Variants in NRG1 observed in about 807,000 individuals in gnomAD.
The protein encoded by NRG1 is pro-neuregulin-1, membrane-bound isoform.
In NRG1, 18 loss-of-function variants were observed where a neutral mutation model predicts 63.8. That is an observed-to-expected ratio of 0.28 (90% CI 0.19 to 0.42). The LOEUF (loss-of-function observed/expected upper bound fraction) is 0.42, where lower values mean the gene tolerates loss of function less well. Ranked by LOEUF, NRG1 falls within the 10% of genes least tolerant of loss-of-function variation. NRG1 has a pLI of 1.00. For synonymous variants in NRG1, 302 were observed against 301.3 expected (o/e 1.00, Z -0.02); for missense variants, 762 against 814.7 (o/e 0.94, Z 0.79).
chr8:32,533,906 A>G, intron 1 of NRG1, among the ~76,000 whole-genome samples: 1 of 152,134 alleles, frequency 6.6e-6, no homozygotes, highest in Middle Eastern at 3.2e-3. Flanking sequence ...TAGGGTTTTC[A>G]TTATAAGGCA....
chr8:32,362,053 T>C (rs1200789668), intron 1 of NRG1, among the ~76,000 whole-genome samples: 5 of 152,142 alleles, frequency 3.3e-5, no homozygotes, highest in Admixed American at 6.5e-5. Context: ...CTCCTCCAGA[T>C]TTGGTTAGCT....
intron 1 of NRG1, among the ~76,000 whole-genome samples, chr8:32,000,723 A>G (rs1363256858): frequency 6.6e-6 from 1 of 151,966 alleles, no homozygotes; most frequent in Non-Finnish European, 1.5e-5. Context: ...TGATCATTAA[A>G]CCAATACATC....
At chr8:32,644,280 T>C (rs1328257726) in intron 5 of NRG1, among the ~76,000 whole-genome samples, 1 of 152,166 alleles carries the variant, frequency 6.6e-6, no homozygotes, top group East Asian at 1.9e-4. Flanking sequence ...AAATGGGGTG[T>C]TCCTGGGCTT....
At chr8:31,813,524 T>TCTTTTCTTTTCTTTTCTTTTC (rs1196353618) in intron 1 of NRG1, among the ~76,000 whole-genome samples, 7 of 139,798 alleles carry the variant, frequency 5.0e-5, no homozygotes, top group South Asian at 2.3e-4. Flanking sequence ...TTCTTTTTTT[T>TCTTTTCTTTTCTTTTCTTTTC]TTTTTTTTTG....
At chr8:31,926,954 C>T (rs967321669) in intron 1 of NRG1, among the ~76,000 whole-genome samples, 1 of 152,182 alleles carries the variant, frequency 6.6e-6, no homozygotes, top group Non-Finnish European at 1.5e-5. Context: ...CCATTCCACA[C>T]TCTCTTCTAA....
chr8:32,340,344 A>C (rs1803910355), intron 1 of NRG1, among the ~76,000 whole-genome samples: 1 of 152,180 alleles, frequency 6.6e-6, no homozygotes, highest in Non-Finnish European at 1.5e-5. Flanking sequence ...GAAATTGAAA[A>C]GGGTTAGCAC....
At chr8:32,546,385 T>C (rs191613736), upstream of NRG1, among the ~76,000 whole-genome samples, 75 of 152,276 alleles carry the variant, frequency 4.9e-4, no homozygotes, top group African/African-American at 1.8e-3. Context: ...CCTTCAATTC[T>C]AACATAATGC....
At chr8:31,886,473 A>C (rs187427677) in intron 1 of NRG1, among the ~76,000 whole-genome samples, 27 of 152,276 alleles carry the variant, frequency 1.8e-4, no homozygotes, top group Admixed American at 1.6e-3. Context: ...GGAAACTATG[A>C]AAACAGTATA....
chr8:31,970,997 T>G (rs1807185685), intron 1 of NRG1, among the ~76,000 whole-genome samples: 2 of 151,384 alleles, frequency 1.3e-5, no homozygotes, highest in South Asian at 4.2e-4. Flanking sequence ...TGAGCCGAGA[T>G]GGCACCAATG....
At chr8:31,671,252 G>C (rs899080725) in intron 1 of NRG1, among the ~76,000 whole-genome samples, 1 of 152,178 alleles carries the variant, frequency 6.6e-6, no homozygotes, top group Non-Finnish European at 1.5e-5. Flanking sequence ...ACTTCCTAGA[G>C]AGAAAGTGTG....
At chr8:32,050,654 C>T (rs1475877064) in intron 1 of NRG1, among the ~76,000 whole-genome samples, 1 of 152,082 alleles carries the variant, frequency 6.6e-6, no homozygotes, top group South Asian at 2.1e-4. Context: ...ACCACATGAC[C>T]TCACCTCACT....
At chr8:31,832,289 C>A (rs1014355313) in intron 1 of NRG1, among the ~76,000 whole-genome samples, 1 of 144,888 alleles carries the variant, frequency 6.9e-6, no homozygotes, top group Admixed American at 7.1e-5. Context: ...GTCTCAGTCT[C>A]ACTCTGTTGC....
intron 2 of NRG1, among the ~76,000 whole-genome samples, chr8:32,604,664 C>T (rs977426942): frequency 6.6e-6 from 1 of 151,978 alleles, no homozygotes; most frequent in African/African-American, 2.4e-5. Flanking sequence ...AATTCTTGGG[C>T]CCAAGTGATT....
chr8:32,130,186 G>A (rs895597063), intron 1 of NRG1, among the ~76,000 whole-genome samples: 27 of 151,812 alleles, frequency 1.8e-4, no homozygotes, highest in African/African-American at 5.6e-4. Flanking sequence ...GTCCATTGAT[G>A]TCTTTTCCTT....
At chr8:32,206,894 T>C (rs1437875241) in intron 1 of NRG1, among the ~76,000 whole-genome samples, 1 of 152,242 alleles carries the variant, frequency 6.6e-6, no homozygotes, top group Admixed American at 6.5e-5. Flanking sequence ...AGTATTTGAC[T>C]TTCTGTTTCT....
intron 1 of NRG1, among the ~76,000 whole-genome samples, chr8:31,789,365 T>A (rs943707329): frequency 6.6e-6 from 1 of 152,218 alleles, no homozygotes; most frequent in Admixed American, 6.5e-5. Context: ...ATTACCCTCA[T>A]AAGATGTTTT....
intron 1 of NRG1, among the ~76,000 whole-genome samples, chr8:31,863,435 G>A (rs1211927444): frequency 6.6e-6 from 1 of 152,130 alleles, no homozygotes; most frequent in Non-Finnish European, 1.5e-5. Context: ...ATGTGTCTAA[G>A]AGGCTGCTGT....
At chr8:31,677,400 G>C (rs570780854) in intron 1 of NRG1, among the ~76,000 whole-genome samples, 1 of 152,212 alleles carries the variant, frequency 6.6e-6, no homozygotes, top group African/African-American at 2.4e-5. Context: ...ATTCTAAATA[G>C]ATTCTATATA....
chr8:32,094,769 T>C (rs544128106), intron 1 of NRG1, among the ~76,000 whole-genome samples: 1 of 152,228 alleles, frequency 6.6e-6, no homozygotes, highest in East Asian at 1.9e-4. Flanking sequence ...TTTTTGTCCT[T>C]CTACCCTCCC....
Sources: allele counts gnomAD v4.1 joint callset (sites outside exome capture counted in the v4.1 genomes callset), GRCh38; gene constraint gnomAD v4.1.1; transcripts MANE v1.5; gene names NCBI Gene and HGNC (gene_info 2026-07-23, HGNC 2026-07-21).